Variants in ANKRD24 observed in about 807,000 individuals in gnomAD.
The protein encoded by ANKRD24 is ankyrin repeat domain 24.
ANKRD24 carries 109 observed loss-of-function variants against 127.8 expected under a neutral mutation model. That is an observed-to-expected ratio of 0.85 (90% CI 0.73 to 1.00). ANKRD24 has a LOEUF of 1.00. Ranked by LOEUF, ANKRD24 falls within the 50% of genes least tolerant of loss-of-function variation. The pLI, the probability that ANKRD24 is intolerant of heterozygous loss-of-function variation, is 0.00. For synonymous variants in ANKRD24, 743 were observed against 671.1 expected (o/e 1.11, Z -1.66); for missense variants, 1,648 against 1,570.2 (o/e 1.05, Z -0.84).
intron 5 of ANKRD24, among the ~76,000 whole-genome samples, chr19:4,200,480 G>T (rs1164796734): frequency 6.6e-6 from 1 of 152,036 alleles, no homozygotes; most frequent in Non-Finnish European, 1.5e-5. Flanking sequence ...CTGGGGCTTG[G>T]GGGATAGCTG....
At chr19:4,183,794 C>T (rs1275993258) in intron 1 of ANKRD24, among the ~76,000 whole-genome samples, 1 of 152,128 alleles carries the variant, frequency 6.6e-6, no homozygotes, top group Non-Finnish European at 1.5e-5. Flanking sequence ...GTAATCGCAG[C>T]TGCTCGGGAG....
Position 4,198,066 on chromosome 19 carries a change from CG to C in ANKRD24, c.37-1614del. ...TGGAGGTGCGAGGCTGCGGACGTCG[CG>C]GGCCCGGAGGCACCTGCGCGCCCTT... On this transcript the variant is annotated intron_variant, in intron 2 of 21. Transcript: ENST00000318934. This position sits in a 1 kb window ranked among gnomAD's most constrained non-coding sequence, Gnocchi z 6.1. 1 of 418,366 alleles carries C rather than the reference CG, an allele frequency of 2.4e-6. No homozygotes were observed. The highest frequency in any genetic ancestry group is 4.2e-6 in the Non-Finnish European group (1 of 235,754). The allele number at this position is 418,366 out of a possible 1,614,324, so 25.9% of individuals were successfully genotyped here. A position where few individuals can be genotyped will look rare whatever the true frequency, so the allele number is the denominator to read the frequency against.
chr19:4,215,930 G>T, intron 15 of ANKRD24, 48 bp from the exon 16 acceptor site: 1 of 1,483,746 alleles, frequency 6.7e-7, no homozygotes, highest in Non-Finnish European at 9.2e-7. Context: ...GGGGACACAC[G>T]GGGGCTGAGA....
chr19:4,213,628 G>GTATTT (rs1969896373), intron 15 of ANKRD24, among the ~76,000 whole-genome samples: 1 of 151,466 alleles, frequency 6.6e-6, no homozygotes, highest in Non-Finnish European at 1.5e-5. Context: ...GCTAATTTTT[G>GTATTT]TATTTTTTGG....
At chr19:4,211,828 C>T (rs1356836397) in intron 13 of ANKRD24, among the ~76,000 whole-genome samples, 12 of 152,082 alleles carry the variant, frequency 7.9e-5, no homozygotes, top group African/African-American at 2.9e-4. Flanking sequence ...CAGAATGGTG[C>T]ATGCTGGCAC....
rs765488561 is a variant in ANKRD24 at position 4,207,870 on chromosome 19, C to T, written c.734C>T (p.Ala245Val). Reference protein sequence around the residue: ...QGGAQPGITDALGQDAAHYGA... With the variant: ...QGGAQPGITDVLGQDAAHYGA... ...GGAGCCCAGCCGGGCATCACCGATG[C>T]GCTGGGGCAGGACGCGGCTCACTAT... Residue 245 changes from alanine to valine, a missense_variant, in exon 10 of 22, where the codon GCG becomes GTG. Physicochemically the swap from Ala to Val is moderately conservative, Grantham distance 64. Transcript: ENST00000318934. The T allele has an allele frequency of 1.1e-5, 17 of 1,559,904 alleles. No homozygotes were observed. The highest frequency in any genetic ancestry group is 2.4e-5 in the South Asian group (2 of 83,620).
chr19:4,206,234 C>T (rs1312459586), intron 7 of ANKRD24, among the ~76,000 whole-genome samples: 3 of 151,460 alleles, frequency 2.0e-5, no homozygotes, highest in Non-Finnish European at 4.4e-5. Context: ...GTGGCTGCAG[C>T]CTATAATCCC....
intron 7 of ANKRD24, 90 bp from the exon 8 acceptor site, chr19:4,207,152 G>C (rs189030343): frequency 3.7e-6 from 4 of 1,068,262 alleles, no homozygotes; most frequent in East Asian, 5.0e-5. Context: ...TCAAACTCCA[G>C]AACTCAAGCG....
At chr19:4,219,300 A>G (rs924408495) in intron 18 of ANKRD24, among the ~76,000 whole-genome samples, 2 of 151,434 alleles carry the variant, frequency 1.3e-5, no homozygotes, top group Admixed American at 6.6e-5. Flanking sequence ...AAAAACAAAA[A>G]CAAAACAAAA....
chr19:4,217,688 G>T lies in ANKRD24; in HGVS notation c.2528G>T (p.Arg843Leu). 7.8e-7 allele frequency: 1 copy of T among 1,287,560 alleles called. No homozygotes were observed. The highest frequency in any genetic ancestry group is 9.8e-7 in the Non-Finnish European group (1 of 1,021,828). The allele number at this position is 1,287,560 out of a possible 1,614,324, so 79.8% of individuals were successfully genotyped here. ...GAGCTGGCCCAGCGGGAGGAGGCGC[G>T]GCTGGAGCAGAGCCGGGAGCTGGAG... Reference protein sequence around the residue: ...RAELAQREEARLEQSRELEVL... With the variant: ...RAELAQREEALLEQSRELEVL... The change falls in exon 18 of 22, where the codon CGG becomes CTG. Residue 843 changes from arginine (R) to leucine (L), a missense_variant. Transcript: ENST00000318934.
At chr19:4,222,209 C>T (rs377008316) in intron 19 of ANKRD24, among the ~76,000 whole-genome samples, 37 of 152,074 alleles carry the variant, frequency 2.4e-4, no homozygotes, top group Non-Finnish European at 4.3e-4. Flanking sequence ...GCCAACATGG[C>T]GAAACCCCGT....
intron 7 of ANKRD24, among the ~76,000 whole-genome samples, chr19:4,204,731 T>TGG (rs1247490867): frequency 2.0e-5 from 3 of 152,298 alleles, no homozygotes; most frequent in African/African-American, 7.2e-5. Context: ...AATAGGGCTT[T>TGG]GGGGGTTTTA....
chr19:4,191,564 C>T (rs567622818), intron 2 of ANKRD24, among the ~76,000 whole-genome samples: 2 of 152,138 alleles, frequency 1.3e-5, no homozygotes, highest in East Asian at 3.9e-4. Flanking sequence ...TCACTGCAAG[C>T]TCCGCCTCCC....
chr19:4,196,298 C>T (rs778279736), intron 2 of ANKRD24, among the ~76,000 whole-genome samples: 4 of 152,264 alleles, frequency 2.6e-5, no homozygotes, highest in South Asian at 2.1e-4. Context: ...CTGTCTGCTG[C>T]GTCGTTGCTC....
chr19:4,219,650 C>T lies in ANKRD24; in HGVS notation c.3063C>T (p.Ala1021=). 2 of 1,613,826 alleles carry T rather than the reference C, an allele frequency of 1.2e-6. No individual in the cohort carries two copies. The highest frequency in any genetic ancestry group is 1.1e-5 in the South Asian group (1 of 91,048). The change falls in exon 19 of 22, where the codon GCC becomes GCT. Residue 1021 remains alanine (A), a synonymous_variant. Coordinates refer to ENST00000318934, the MANE Select transcript of ANKRD24 (RefSeq NM_001393985.1). ...GACACGCAGCCGAGGCACAGCTGGCCACAGCAGAGCAGCAGCTACGGGGGC... is the reference window on the plus strand; with the variant it reads ...GACACGCAGCCGAGGCACAGCTGGCTACAGCAGAGCAGCAGCTACGGGGGC... ...SERHAAEAQL[A]TAEQQLRGLR... is the part of the protein sequence containing the mutation.
chr19:4,182,742 T>G lies in ANKRD24; in HGVS notation c.-37+2T>G. On this transcript the variant is annotated splice_donor_variant, in intron 1 of 21. Transcript: ENST00000318934. LOFTEE classifies it low-confidence loss of function (5UTR_SPLICE). Reference sequence around the variant, plus strand: ...GGAAGCCTGCCTCTTTGCATGCAGGTGTTTGCGGGGCTTGGGAAGGGGCTC... The same window carrying G: ...GGAAGCCTGCCTCTTTGCATGCAGGGGTTTGCGGGGCTTGGGAAGGGGCTC... The G allele has an allele frequency of 7.2e-7, 1 of 1,395,242 alleles. No individual in the cohort carries two copies. The highest frequency in any genetic ancestry group is 9.3e-7 in the Non-Finnish European group (1 of 1,073,082). The allele number at this position is 1,395,242 out of a possible 1,614,324, so 86.4% of individuals were successfully genotyped here.
chr19:4,218,770 A>T (rs867488092), intron 18 of ANKRD24, among the ~76,000 whole-genome samples: 245 of 95,618 alleles, frequency 2.6e-3, no homozygotes, highest in African/African-American at 0.011. Context: ...TTTTTTTTTC[A>T]GACAGGGTGT....
chr19:4,219,632 A>G lies in ANKRD24; in HGVS notation c.3045A>G (p.Ala1015=). The G allele has an allele frequency of 6.2e-7, 1 of 1,613,718 alleles. No individual in the cohort carries two copies. The highest frequency in any genetic ancestry group is 8.5e-7 in the Non-Finnish European group (1 of 1,179,688). Reference sequence around the variant, plus strand: ...TGTTCATGAAGAGTGAGCGACACGCAGCCGAGGCACAGCTGGCCACAGCAG... The same window carrying G: ...TGTTCATGAAGAGTGAGCGACACGCGGCCGAGGCACAGCTGGCCACAGCAG... ...EALFMKSERH[A]AEAQLATAEQ... Residue 1015 remains alanine, a synonymous_variant, in exon 19 of 22, where the codon GCA becomes GCG. Transcript: ENST00000318934.
Position 4,199,620 on chromosome 19 carries a change from G to A in ANKRD24, c.37-63G>A. 1 of 1,474,290 alleles carries A rather than the reference G, an allele frequency of 6.8e-7. No homozygotes were observed. Among genetic ancestry groups the A allele is most frequent in the African/African-American group, 1.4e-5 (1 of 70,228 alleles). 91.3% of individuals were successfully genotyped at this position (1,474,290 alleles called of 1,614,324 possible). ...TGATGGGCCTGGGGGCAGATGCTGG[G>A]GGTCGCAGGCTTGGGGGACACTGTC... On this transcript the variant is annotated intron_variant, in intron 2 of 21. Transcript: ENST00000318934. This position sits in a 1 kb window ranked among gnomAD's most constrained non-coding sequence, Gnocchi z 5.2.
Sources: gnomAD v4.1 joint callset for allele counts (sites outside exome capture counted in the v4.1 genomes callset) on GRCh38, gnomAD v4.1.1 for gene constraint, Gnocchi (gnomAD v3.1) non-coding constraint, MANE v1.5 for transcripts, NCBI Gene and HGNC (gene_info 2026-07-23, HGNC 2026-07-21) for gene names.